Variants in SH3KBP1 observed in about 807,000 individuals in gnomAD.
SH3KBP1 encodes the protein SH3 domain containing kinase binding protein 1.
SH3KBP1 carries 8 observed loss-of-function variants against 50.1 expected under a neutral mutation model. The observed-to-expected ratio is 0.16, with a 90% confidence interval of 0.09 to 0.29. SH3KBP1 has a LOEUF of 0.29. Among genes scored for constraint, SH3KBP1 ranks in the 10% least tolerant of loss-of-function variants. The probability of loss-of-function intolerance (pLI) is 1.00; values close to 1 mark genes in which losing one functional copy is unlikely to be tolerated. For missense variants in SH3KBP1, 377 were observed against 535.2 expected (o/e 0.70, Z 2.92); for synonymous variants, 227 against 218.6 (o/e 1.04, Z -0.34).
chrX:19,876,794 C>T (rs1313591598), intron 1 of SH3KBP1, among the ~76,000 whole-genome samples: 1 of 111,321 alleles, frequency 9.0e-6, no homozygotes, highest in Non-Finnish European at 1.9e-5. Context: ...TTTTGAATTT[C>T]GAATCCTGGG....
chrX:19,691,325 GCTCTCT>G (rs747033807), intron 5 of SH3KBP1, among the ~76,000 whole-genome samples: 2,237 of 84,335 alleles, frequency 0.027, 82 homozygotes, highest in African/African-American at 0.089. Context: ...AATCTCTGTC[GCTCTCT>G]CTCTCTCTCT....
chrX:19,843,008 C>CTT (rs1208728077), intron 1 of SH3KBP1, among the ~76,000 whole-genome samples: 54 of 65,181 alleles, frequency 8.3e-4, no homozygotes, highest in Non-Finnish European at 1.0e-3. Context: ...CGTGCATCAA[C>CTT]TTTTTTTTTT....
intron 2 of SH3KBP1, among the ~76,000 whole-genome samples, chrX:19,793,383 G>C (rs1305780464): frequency 9.2e-6 from 1 of 108,803 alleles, no homozygotes; most frequent in Non-Finnish European, 1.9e-5. Flanking sequence ...ACTGATCGCT[G>C]AGGCGGAATA....
At chrX:19,630,246 T>C (rs1014005168) in intron 8 of SH3KBP1, among the ~76,000 whole-genome samples, 1 of 110,608 alleles carries the variant, frequency 9.0e-6, no homozygotes, top group East Asian at 2.8e-4. Context: ...CTGCAAAGAA[T>C]AGCAGTTATT....
chrX:19,554,413 T>TCA (rs1569279659), intron 13 of SH3KBP1, among the ~76,000 whole-genome samples: 1 of 100,788 alleles, frequency 9.9e-6, no homozygotes, highest in African/African-American at 3.6e-5. Flanking sequence ...ATATTATATA[T>TCA]TTTTTTGAGA....
rs529240795 is a variant in SH3KBP1, at chrX:19,860,799, G to A, written c.5-24517C>T. On this transcript the variant is annotated intron_variant, in intron 1 of 17. Coordinates refer to ENST00000397821, the MANE Select transcript of SH3KBP1 (RefSeq NM_031892.3). The stretch of plus-strand genomic sequence containing the variant: ...CTAAATGCAACACGGATTCTGAAGA[G>A]GAACCTAGAACAACCACAAAAAAAG... Among the ~76,000 whole-genome samples the A allele has an allele frequency of 1.1e-4, 12 of 111,363 alleles. No homozygotes were observed. In the South Asian group the frequency reaches 4.1e-3, roughly 38 times the overall value.
chrX:19,757,562 C>CAA (rs35710169), intron 2 of SH3KBP1, among the ~76,000 whole-genome samples: 2 of 78,466 alleles, frequency 2.5e-5, no homozygotes, highest in African/African-American at 4.4e-5. Flanking sequence ...TATCTTATGT[C>CAA]AAAAAAAAAA....
At chrX:19,580,196 T>A (rs746257265) in intron 12 of SH3KBP1, among the ~76,000 whole-genome samples, 1 of 111,822 alleles carries the variant, frequency 8.9e-6, no homozygotes, top group African/African-American at 3.3e-5. Context: ...AGTTAACTAC[T>A]ACCTAGAAGA....
intron 2 of SH3KBP1, among the ~76,000 whole-genome samples, chrX:19,760,029 T>TCTCTCTCTCTCC (rs1235190154): frequency 2.3e-4 from 16 of 68,543 alleles, no homozygotes; most frequent in Non-Finnish European, 3.5e-4. Flanking sequence ...CTCTCCTCTC[T>TCTCTCTCTCTCC]CTCTCTCTCT....
intron 2 of SH3KBP1, among the ~76,000 whole-genome samples, chrX:19,818,058 G>A (rs2067413906): frequency 8.9e-6 from 1 of 112,154 alleles, no homozygotes; most frequent in African/African-American, 3.2e-5. Flanking sequence ...GTGTGTAGTA[G>A]GCTATATCAC....
intron 15 of SH3KBP1, among the ~76,000 whole-genome samples, chrX:19,545,271 A>G (rs1347572088): frequency 8.9e-6 from 1 of 112,310 alleles, no homozygotes; most frequent in Non-Finnish European, 1.9e-5. Context: ...GAATTTTAAA[A>G]TCTTGGTTCG....
At chrX:19,853,611 G>A (rs183687123) in intron 1 of SH3KBP1, among the ~76,000 whole-genome samples, 169 of 111,041 alleles carry the variant, frequency 1.5e-3, no homozygotes, top group Non-Finnish European at 2.7e-3. Context: ...GATGGGTGGG[G>A]GTTCTCCTCC....
chrX:19,568,814 A>G (rs778740704), intron 13 of SH3KBP1, among the ~76,000 whole-genome samples: 1 of 113,186 alleles, frequency 8.8e-6, no homozygotes, highest in East Asian at 2.8e-4. Flanking sequence ...CTGTGAACAT[A>G]AGGGCTAATG....
chrX:19,801,409 A>G (rs2066887212), intron 2 of SH3KBP1, among the ~76,000 whole-genome samples: 1 of 112,497 alleles, frequency 8.9e-6, no homozygotes. Flanking sequence ...TGTTTAAGGC[A>G]GTCCCAGACA....
chrX:19,573,767 G>A (rs1473683639), intron 12 of SH3KBP1, among the ~76,000 whole-genome samples: 2 of 111,148 alleles, frequency 1.8e-5, no homozygotes, highest in Non-Finnish European at 1.9e-5. Context: ...ATCTCTCCCG[G>A]GAACTGGTTT....
intron 4 of SH3KBP1, among the ~76,000 whole-genome samples, chrX:19,700,740 G>A (rs754869460): frequency 8.9e-6 from 1 of 112,473 alleles, no homozygotes; most frequent in Admixed American, 9.4e-5. Context: ...CAATCTCAGA[G>A]GATGTGGGAA....
intron 12 of SH3KBP1, among the ~76,000 whole-genome samples, chrX:19,572,418 T>TTA (rs1157894027): frequency 2.9e-4 from 31 of 106,658 alleles, no homozygotes; most frequent in Middle Eastern, 9.7e-3. Flanking sequence ...TACATACATG[T>TTA]TATATAGTAC....
chrX:19,589,890 CG>C (rs2066690356), intron 11 of SH3KBP1, among the ~76,000 whole-genome samples: 1 of 109,137 alleles, frequency 9.2e-6, no homozygotes, highest in Non-Finnish European at 1.9e-5. Flanking sequence ...GAGGGCAAGG[CG>C]GAAGGATCAC....
chrX:19,736,938 GCT>G (rs1193206239), intron 3 of SH3KBP1, among the ~76,000 whole-genome samples: 34 of 94,917 alleles, frequency 3.6e-4, no homozygotes, highest in African/African-American at 1.0e-3. Context: ...ACGGGTTCTC[GCT>G]CTGTCACCCA....
Sources: gnomAD v4.1 joint callset for allele counts (sites outside exome capture counted in the v4.1 genomes callset) on GRCh38, gnomAD v4.1.1 for gene constraint, MANE v1.5 for transcripts, NCBI Gene and HGNC (gene_info 2026-07-23, HGNC 2026-07-21) for gene names.